Variants in FOXP2 observed in about 807,000 individuals in gnomAD.
FOXP2 encodes forkhead box P2.
In FOXP2, 12 loss-of-function variants were observed where a neutral mutation model predicts 115.8. The ratio of observed to expected loss-of-function variants is 0.10; its 90% CI spans 0.07 to 0.17. The LOEUF is 0.17. FOXP2 is among the 10% of genes least tolerant of loss of function. The pLI, the probability that FOXP2 is intolerant of heterozygous loss-of-function variation, is 1.00. For synonymous variants in FOXP2, 328 were observed against 297.7 expected (o/e 1.10, Z -1.05); for missense variants, 629 against 843.5 (o/e 0.75, Z 3.15).
intron 2 of FOXP2, among the ~76,000 whole-genome samples, chr7:114,353,591 ATAAACTTTGACAC>A (rs1290802214): frequency 6.6e-6 from 1 of 151,998 alleles, no homozygotes; most frequent in African/African-American, 2.4e-5. Flanking sequence ...AAAATCATCC[ATAAACTTTGACAC>A]TTTCTCTAAT....
At chr7:114,215,461 T>C (rs569881076) in intron 1 of FOXP2, among the ~76,000 whole-genome samples, 2 of 152,268 alleles carry the variant, frequency 1.3e-5, no homozygotes, top group South Asian at 2.1e-4. Flanking sequence ...AAAATTTCTG[T>C]TTTTTAAGTT....
At chr7:114,386,286 G>A (rs1323940062) in intron 2 of FOXP2, among the ~76,000 whole-genome samples, 2 of 152,314 alleles carry the variant, frequency 1.3e-5, no homozygotes, top group South Asian at 4.1e-4. Context: ...CCCATACAAA[G>A]GGAGGGAACC....
chr7:114,220,421 A>AT (rs1356039189), intron 1 of FOXP2, among the ~76,000 whole-genome samples: 1 of 152,028 alleles, frequency 6.6e-6, no homozygotes, highest in East Asian at 1.9e-4. Flanking sequence ...TTTATATTCC[A>AT]TTTTTTCTCT....
intron 2 of FOXP2, among the ~76,000 whole-genome samples, chr7:114,527,211 G>A (rs561748260): frequency 6.6e-6 from 1 of 152,066 alleles, no homozygotes; most frequent in East Asian, 1.9e-4. Context: ...GAGTTGAAGG[G>A]AATTTGGGTT....
chr7:114,414,536 A>T (rs2129199463), upstream of FOXP2: 1 of 153,558 alleles, frequency 6.5e-6, no homozygotes, highest in Non-Finnish European at 1.5e-5. Flanking sequence ...CTGTGATTTC[A>T]ATTAAGGTTA....
intron 1 of FOXP2, among the ~76,000 whole-genome samples, chr7:114,418,487 A>G (rs1793453621): frequency 6.6e-6 from 1 of 151,944 alleles, no homozygotes; most frequent in Non-Finnish European, 1.5e-5. Context: ...AAGAAGTTGT[A>G]GTGACTCTTG....
intron 1 of FOXP2, among the ~76,000 whole-genome samples, chr7:114,278,419 G>A (rs529456669): frequency 6.6e-6 from 1 of 151,654 alleles, no homozygotes; most frequent in African/African-American, 2.4e-5. Flanking sequence ...GCAGTGGTGT[G>A]ATTTAGGCTC....
chr7:114,116,731 G>T (rs534159438), intron 1 of FOXP2, among the ~76,000 whole-genome samples: 1 of 152,192 alleles, frequency 6.6e-6, no homozygotes, highest in Admixed American at 6.5e-5. Context: ...CGTAAAATGG[G>T]TTGGTAATTA....
At chr7:114,558,522 C>A (rs1260342602) in intron 3 of FOXP2, among the ~76,000 whole-genome samples, 3 of 152,150 alleles carry the variant, frequency 2.0e-5, no homozygotes, top group Non-Finnish European at 4.4e-5. Flanking sequence ...CCTACCCTAC[C>A]ACCCTTCTTC....
chr7:114,272,553 C>A (rs187399014), intron 1 of FOXP2, among the ~76,000 whole-genome samples: 5 of 151,898 alleles, frequency 3.3e-5, no homozygotes, highest in Admixed American at 6.6e-5. Context: ...GACTCAATTT[C>A]TTTAATAGAC....
At chr7:114,463,750 T>C (rs974889715) in intron 2 of FOXP2, among the ~76,000 whole-genome samples, 1 of 152,220 alleles carries the variant, frequency 6.6e-6, no homozygotes, top group Non-Finnish European at 1.5e-5. Context: ...CCATAATCTC[T>C]GTTATGGCTC....
intron 1 of FOXP2, among the ~76,000 whole-genome samples, chr7:114,105,456 G>A (rs1584481664): frequency 1.3e-5 from 2 of 152,036 alleles, no homozygotes; most frequent in African/African-American, 4.8e-5. Context: ...AAATTGTGTT[G>A]TGATACTAGT....
intron 3 of FOXP2, among the ~76,000 whole-genome samples, chr7:114,622,843 G>T (rs1427997583): frequency 6.6e-6 from 1 of 151,840 alleles, no homozygotes. Context: ...ACAAATAAAA[G>T]ATTATTTTTA....
At chr7:114,522,015 C>T (rs1798648107) in intron 2 of FOXP2, among the ~76,000 whole-genome samples, 1 of 152,094 alleles carries the variant, frequency 6.6e-6, no homozygotes, top group Non-Finnish European at 1.5e-5. Context: ...TTTTAAATGA[C>T]TAGGTGCCAG....
At position 114,692,951 on chromosome 7, in the gene FOXP2, T is replaced by C; in HGVS notation, c.*3025T>C. 2.2e-6 allele frequency: 1 copy of C among 453,968 alleles called. No individual in the cohort carries two copies. The highest frequency in any genetic ancestry group is 4.4e-6 in the Non-Finnish European group (1 of 226,668). 28.1% of individuals were successfully genotyped at this position (453,968 alleles called of 1,614,324 possible). On this transcript the variant is annotated 3_prime_UTR_variant, in exon 17 of 17. Coordinates refer to ENST00000350908, the MANE Select transcript of FOXP2 (RefSeq NM_014491.4). ...TGTAACAGCTGTTATTCGTTCTGTATTCATGGCTTTCACTGCTGAATAAAA... is the reference window on the plus strand; with the variant it reads ...TGTAACAGCTGTTATTCGTTCTGTACTCATGGCTTTCACTGCTGAATAAAA...
intron 3 of FOXP2, among the ~76,000 whole-genome samples, chr7:114,594,655 G>A (rs1018450704): frequency 2.0e-5 from 3 of 152,024 alleles, no homozygotes; most frequent in African/African-American, 7.2e-5. Flanking sequence ...TTGGTTTTCA[G>A]TGTTTCATTG....
At chr7:114,635,164 G>C (rs1300386578) in intron 6 of FOXP2, among the ~76,000 whole-genome samples, 1 of 152,148 alleles carries the variant, frequency 6.6e-6, no homozygotes, top group African/African-American at 2.4e-5. Flanking sequence ...AGTTAGAATT[G>C]TGCCGAAGAT....
rs527294846 is a variant in FOXP2 at position 114,460,077 on chromosome 7, G to GT, written c.168+33403dup. On this transcript the variant is annotated intron_variant, in intron 2 of 16. Coordinates refer to ENST00000350908, the MANE Select transcript of FOXP2 (RefSeq NM_014491.4). ...GTGTTTTATGTTTTGTTTTGGTTTG[G>GT]TTTTTACCTAATTTTAACAGCTTAG... is the stretch of plus-strand genomic sequence containing the variant. 1.5e-3 allele frequency among the ~76,000 whole-genome samples: 232 copies of GT among 152,116 alleles called. 2 individuals carry two copies. Among genetic ancestry groups the GT allele is most frequent in the African/African-American group, 5.1e-3 (213 of 41,478 alleles).
At chr7:114,549,125 C>T (rs1305614222) in intron 3 of FOXP2, among the ~76,000 whole-genome samples, 4 of 152,158 alleles carry the variant, frequency 2.6e-5, no homozygotes, top group Admixed American at 2.0e-4. Flanking sequence ...GGAAACCTTG[C>T]TTTCTCTTAC....
Sources: gnomAD v4.1 joint callset for allele counts (sites outside exome capture counted in the v4.1 genomes callset) on GRCh38, gnomAD v4.1.1 for gene constraint, MANE v1.5 for transcripts, NCBI Gene and HGNC (gene_info 2026-07-23, HGNC 2026-07-21) for gene names.